Variants in CCSER1 observed in about 807,000 individuals in gnomAD.
CCSER1 encodes the protein coiled-coil serine rich protein 1, also known as serine-rich coiled-coil domain-containing protein 1.
Under a neutral mutation model 82.0 loss-of-function variants are expected in CCSER1, and 41 were observed. That is an observed-to-expected ratio of 0.50 (90% CI 0.39 to 0.65). The LOEUF is 0.65. Ranked by LOEUF, CCSER1 falls within the 30% of genes least tolerant of loss-of-function variation. The pLI is 0.00. For missense variants in CCSER1, 1,119 were observed against 1,064.2 expected, an observed-to-expected ratio of 1.05 and a Z score of -0.72; for synonymous variants, 414 against 383.9, an observed-to-expected ratio of 1.08 and a Z score of -0.92.
At chr4:90,319,954 T>A (rs1226635968) in intron 3 of CCSER1, among the ~76,000 whole-genome samples, 1 of 152,208 alleles carries the variant, frequency 6.6e-6, no homozygotes, top group Non-Finnish European at 1.5e-5. Flanking sequence ...AACATGAAAT[T>A]ACATTTGTTG....
At position 91,013,222 on chromosome 4, in the gene CCSER1, T is replaced by C. The variant is rs187416745; in HGVS notation, c.2173-72728T>C. ...CAAGTCTTATGTTTAAGTCTTTAAT[T>C]CATTTTGACTTGATTTTTATGTATC... On this transcript the variant is annotated intron_variant, in intron 9 of 10. Coordinates refer to ENST00000509176, the MANE Select transcript of CCSER1 (RefSeq NM_001145065.2). Among the ~76,000 whole-genome samples, 297 of 134,596 alleles carry C rather than the reference T, an allele frequency of 2.2e-3. 21 individuals are homozygous for C. Among genetic ancestry groups the C allele is most frequent in the African/African-American group, 6.7e-3 (273 of 40,544 alleles). The allele number at this position is 134,596 out of a possible 152,430, so 88.3% of individuals were successfully genotyped here.
At chr4:90,215,358 A>G (rs977474077) in intron 1 of CCSER1, among the ~76,000 whole-genome samples, 1 of 152,184 alleles carries the variant, frequency 6.6e-6, no homozygotes, top group Non-Finnish European at 1.5e-5. Flanking sequence ...AAGTCCTTTC[A>G]CCAAAGTATA....
intron 10 of CCSER1, among the ~76,000 whole-genome samples, chr4:91,578,687 A>C (rs2110305371): frequency 6.6e-6 from 1 of 152,094 alleles, no homozygotes; most frequent in South Asian, 2.1e-4. Flanking sequence ...AAATGTGCTT[A>C]ATACACTTTG....
intron 10 of CCSER1, among the ~76,000 whole-genome samples, chr4:91,404,337 A>G (rs751983510): frequency 6.6e-6 from 1 of 152,024 alleles, no homozygotes; most frequent in Non-Finnish European, 1.5e-5. Context: ...GATGTTTTCA[A>G]AAAAACAGAT....
chr4:91,221,193 A>G (rs1560525601), intron 10 of CCSER1, among the ~76,000 whole-genome samples: 1 of 151,990 alleles, frequency 6.6e-6, no homozygotes, highest in African/African-American at 2.4e-5. Flanking sequence ...TCTTATTTAT[A>G]TTTGTCTTGT....
intron 7 of CCSER1, among the ~76,000 whole-genome samples, chr4:90,739,973 G>A (rs1300235161): frequency 4.6e-5 from 7 of 152,056 alleles, no homozygotes; most frequent in African/African-American, 1.4e-4. Context: ...GTGCTTTTTT[G>A]TGTGGACAGT....
At chr4:91,214,104 A>T (rs1737050571) in intron 10 of CCSER1, among the ~76,000 whole-genome samples, 1 of 152,090 alleles carries the variant, frequency 6.6e-6, no homozygotes, top group South Asian at 2.1e-4. Context: ...CCCTCCTGTC[A>T]CCAAAAAGAT....
Position 91,345,421 on chromosome 4 carries a change from A to G in CCSER1, c.2218-253151A>G, listed in dbSNP as rs185546608. On this transcript the variant is annotated intron_variant, in intron 10 of 10. Transcript: ENST00000509176. ...GAAGAAGAAGAAAAAAAGAAACTCT[A>G]TGAGCAATATGATCAATTTAAAGTA... Among the ~76,000 whole-genome samples, 32 of 152,252 alleles carry G rather than the reference A, an allele frequency of 2.1e-4. No homozygotes were observed. In the East Asian group the frequency reaches 5.6e-3, roughly 27 times the overall value.
intron 10 of CCSER1, among the ~76,000 whole-genome samples, chr4:91,169,816 G>T (rs1217433376): frequency 6.6e-6 from 1 of 151,762 alleles, no homozygotes; most frequent in Non-Finnish European, 1.5e-5. Flanking sequence ...TTCATAGTTG[G>T]TCCTGTGGCA....
intron 9 of CCSER1, among the ~76,000 whole-genome samples, chr4:91,026,139 A>G (rs1561482030): frequency 6.6e-6 from 1 of 152,214 alleles, no homozygotes; most frequent in East Asian, 1.9e-4. Flanking sequence ...ACATGCAAGC[A>G]TTTCTTGGAA....
At chr4:90,872,503 A>G (rs1766664187) in intron 8 of CCSER1, among the ~76,000 whole-genome samples, 1 of 151,990 alleles carries the variant, frequency 6.6e-6, no homozygotes, top group Admixed American at 6.6e-5. Flanking sequence ...AATAAAAATT[A>G]TACTGTAACT....
At chr4:90,923,500 C>T (rs1728675415) in intron 9 of CCSER1, 53 bp downstream of exon 9, 1 of 1,215,792 alleles carries the variant, frequency 8.2e-7, no homozygotes, top group Non-Finnish European at 1.2e-6. Context: ...TTCAGACCTC[C>T]ACAGCTTATT....
rs1342133230 is a variant in CCSER1 at position 91,599,793 on chromosome 4, G to A, written c.*736G>A. On this transcript the variant is annotated 3_prime_UTR_variant, in exon 11 of 11. Transcript: ENST00000509176. The stretch of plus-strand genomic sequence containing the variant: ...TTTTTGTTATTGATGTTGAAGTACC[G>A]TGACATAACACAAGGTGATAAAGTT... 1 of 151,988 alleles carries A rather than the reference G, an allele frequency of 6.6e-6. No individual in the cohort carries two copies. The highest frequency in any genetic ancestry group is 2.4e-5 in the African/African-American group (1 of 41,404). 9.4% of individuals were successfully genotyped at this position (151,988 alleles called of 1,614,324 possible). A position where few individuals can be genotyped will look rare whatever the true frequency, so the allele number is the denominator to read the frequency against.
At chr4:90,497,146 A>G (rs1769163779) in intron 5 of CCSER1, among the ~76,000 whole-genome samples, 1 of 152,106 alleles carries the variant, frequency 6.6e-6, no homozygotes, top group South Asian at 2.1e-4. Flanking sequence ...ATTTTATTAA[A>G]CAACAAACTT....
At chr4:90,692,589 G>C (rs760094038) in intron 6 of CCSER1, among the ~76,000 whole-genome samples, 1 of 151,806 alleles carries the variant, frequency 6.6e-6, no homozygotes, top group Non-Finnish European at 1.5e-5. Flanking sequence ...ATAAGATGTT[G>C]GTTAAATACA....
At chr4:91,442,742 C>G (rs1271245457) in intron 10 of CCSER1, among the ~76,000 whole-genome samples, 1 of 143,086 alleles carries the variant, frequency 7.0e-6, no homozygotes, top group East Asian at 2.1e-4. Context: ...GGGCTAATAT[C>G]CAGAATCTAC....
chr4:90,441,620 C>G (rs1002455965), intron 4 of CCSER1, among the ~76,000 whole-genome samples: 1 of 152,090 alleles, frequency 6.6e-6, no homozygotes, highest in Non-Finnish European at 1.5e-5. Context: ...GGTGGTGACA[C>G]GATTCAGTCT....
chr4:90,942,804 A>C (rs1731748873), intron 9 of CCSER1, among the ~76,000 whole-genome samples: 1 of 150,980 alleles, frequency 6.6e-6, no homozygotes, highest in Non-Finnish European at 1.5e-5. Context: ...GGGTAAAAAG[A>C]TTGCTTCTTC....
At chr4:91,004,683 T>G (rs1233072525) in intron 9 of CCSER1, among the ~76,000 whole-genome samples, 1 of 152,154 alleles carries the variant, frequency 6.6e-6, no homozygotes, top group Non-Finnish European at 1.5e-5. Flanking sequence ...ATGAAAAAAT[T>G]TTGATAGGTG....
Sources: allele counts gnomAD v4.1 joint callset (sites outside exome capture counted in the v4.1 genomes callset), GRCh38; gene constraint gnomAD v4.1.1; transcripts MANE v1.5; gene names NCBI Gene and HGNC (gene_info 2026-07-23, HGNC 2026-07-21).